The following BLVRA variants were observed in gnomAD, a reference collection of about 807,000 sequenced individuals.
BLVRA encodes the protein BVR A.
In BLVRA, 22 loss-of-function variants were observed where a neutral mutation model predicts 32.8. That is an observed-to-expected ratio of 0.67 (90% CI 0.48 to 0.96). The LOEUF is 0.96. Among genes scored for constraint, BLVRA ranks in the 40% least tolerant of loss-of-function variants. The pLI, the probability that BLVRA is intolerant of heterozygous loss-of-function variation, is 0.00. For missense variants in BLVRA, 323 were observed against 358.1 expected (o/e 0.90, Z 0.79); for synonymous variants, 119 against 141.3 (o/e 0.84, Z 1.12).
Position 43,787,872 on chromosome 7 carries a change from T to C in BLVRA, c.13-32T>C. The C allele has an allele frequency of 6.2e-7, 1 of 1,614,150 alleles. No homozygotes were observed. The highest frequency in any genetic ancestry group is 8.5e-7 in the Non-Finnish European group (1 of 1,180,020). On this transcript the variant is annotated intron_variant, in intron 2 of 7. Transcript: ENST00000265523. The surrounding 1 kb of genome is among the most constrained non-coding windows in gnomAD (Gnocchi z 4.5). ...TTTTCTGCTCGATGCCTACAGTGTT[T>C]TCAGACTCCACCTTGGTCCCTTGTG...
At chr7:43,773,204 T>G (rs1446605277) in intron 2 of BLVRA, among the ~76,000 whole-genome samples, 1 of 152,104 alleles carries the variant, frequency 6.6e-6, no homozygotes, top group Non-Finnish European at 1.5e-5. Context: ...TAGTTACATA[T>G]GTATACATGT....
At chr7:43,767,381 T>C (rs779757903) in intron 1 of BLVRA, 27 of 1,601,168 alleles carry the variant, frequency 1.7e-5, no homozygotes, top group Non-Finnish European at 2.3e-5. Context: ...AAGACGCTCC[T>C]GTTCTTCACA....
chr7:43,804,578 C>T (rs1370307978), intron 7 of BLVRA, among the ~76,000 whole-genome samples: 1 of 152,334 alleles, frequency 6.6e-6, no homozygotes, highest in South Asian at 2.1e-4. Context: ...ACTCCCTAGA[C>T]CCTGCCATTA....
chr7:43,781,575 G>A (rs1344195012), intron 2 of BLVRA, among the ~76,000 whole-genome samples: 2 of 152,146 alleles, frequency 1.3e-5, no homozygotes, highest in Non-Finnish European at 2.9e-5. Context: ...GACCTCAAGT[G>A]ACCCAAATGC....
intron 5 of BLVRA, among the ~76,000 whole-genome samples, chr7:43,798,197 C>CAAAAAAAAAAAAAA: frequency 2.2e-5 from 1 of 45,204 alleles, no homozygotes; most frequent in Non-Finnish European, 4.0e-5. Flanking sequence ...CCCCATCTCA[C>CAAAAAAAAAAAAAA]AAAAAAAAAA....
chr7:43,803,611 C>A, intron 6 of BLVRA, 65 bp from the exon 7 acceptor site: 1 of 1,481,300 alleles, frequency 6.8e-7, no homozygotes, highest in Non-Finnish European at 9.4e-7. Flanking sequence ...CCCCCACCCC[C>A]CTGTCCTGCT....
chr7:43,780,751 T>G (rs2095768087), intron 2 of BLVRA, among the ~76,000 whole-genome samples: 1 of 152,252 alleles, frequency 6.6e-6, no homozygotes, highest in Non-Finnish European at 1.5e-5. Context: ...ATCCCCATTC[T>G]CACCCTGCCA....
intron 1 of BLVRA, among the ~76,000 whole-genome samples, chr7:43,764,770 C>A (rs1468407893): frequency 1.4e-4 from 21 of 148,872 alleles, no homozygotes; most frequent in African/African-American, 5.2e-4. Context: ...GAACCCCCCA[C>A]CCCCCGCAAA....
In BLVRA at chr7:43,792,739, C is replaced by T. The variant is rs199932017; in HGVS notation, c.279C>T (p.His93=). ...YIRQFLNAGK[H]VLVEYPMTLS... is the part of the protein sequence containing the mutation. ...GGCAGTTCCTTAATGCTGGCAAGCA[C>T]GTCCTTGTGGAATACCCCATGACAC... The change falls in exon 5 of 8, where the codon CAC becomes CAT. Residue 93 remains histidine, a synonymous_variant. Coordinates refer to ENST00000265523, the MANE Select transcript of BLVRA (RefSeq NM_000712.4). 8.7e-5 allele frequency: 141 copies of T among 1,614,210 alleles called. 1 individual carries two copies. The East Asian group carries it at 2.5e-3, about 28-fold the overall frequency.
At chr7:43,795,606 A>G (rs181257216) in intron 5 of BLVRA, among the ~76,000 whole-genome samples, 17 of 152,378 alleles carry the variant, frequency 1.1e-4, no homozygotes, top group Admixed American at 6.5e-4. Context: ...TTAAACAAGA[A>G]GAAAGATCTC....
chr7:43,783,869 C>T (rs1285206667), intron 2 of BLVRA, among the ~76,000 whole-genome samples: 1 of 152,174 alleles, frequency 6.6e-6, no homozygotes, highest in African/African-American at 2.4e-5. Flanking sequence ...TGCCTGGACT[C>T]TCCTTCCACC....
At chr7:43,773,795 C>T (rs1457210607) in intron 2 of BLVRA, among the ~76,000 whole-genome samples, 1 of 152,190 alleles carries the variant, frequency 6.6e-6, no homozygotes, top group Non-Finnish European at 1.5e-5. Flanking sequence ...TCCTCTCCAG[C>T]ACCTGTTGTT....
At chr7:43,802,292 CTT>C (rs1563552398) in intron 6 of BLVRA, among the ~76,000 whole-genome samples, 2 of 152,106 alleles carry the variant, frequency 1.3e-5, no homozygotes, top group African/African-American at 2.4e-5. Flanking sequence ...TTATATATAA[CTT>C]ATTACTTTTT....
At chr7:43,783,782 G>A (rs907820753) in intron 2 of BLVRA, among the ~76,000 whole-genome samples, 1 of 151,996 alleles carries the variant, frequency 6.6e-6, no homozygotes, top group African/African-American at 2.4e-5. Flanking sequence ...GTTTCCCCAG[G>A]CCAACCAATG....
At chr7:43,777,735 T>A (rs944131138) in intron 2 of BLVRA, among the ~76,000 whole-genome samples, 1 of 152,148 alleles carries the variant, frequency 6.6e-6, no homozygotes, top group East Asian at 1.9e-4. Flanking sequence ...TCCTGCAGAG[T>A]GTTTTCTAAC....
chr7:43,769,703 G>A (rs564104773), intron 1 of BLVRA, among the ~76,000 whole-genome samples: 4 of 152,124 alleles, frequency 2.6e-5, no homozygotes, highest in Admixed American at 2.0e-4. Flanking sequence ...CTCCTCCCAG[G>A]TTCAAGCAAT....
intron 6 of BLVRA, among the ~76,000 whole-genome samples, chr7:43,803,182 C>G (rs1316387026): frequency 1.3e-5 from 2 of 152,172 alleles, no homozygotes; most frequent in Admixed American, 6.5e-5. Context: ...TACCTTATTG[C>G]CACTTACACA....
chr7:43,791,869 T>C (rs2095786477), intron 4 of BLVRA: 1 of 174,482 alleles, frequency 5.7e-6, no homozygotes, highest in African/African-American at 2.4e-5. Context: ...TTCCTCAGTC[T>C]AGCTTCCTTC....
At chr7:43,763,749 T>A (rs556476239) in intron 1 of BLVRA, among the ~76,000 whole-genome samples, 10 of 152,224 alleles carry the variant, frequency 6.6e-5, no homozygotes, top group Non-Finnish European at 1.3e-4. Flanking sequence ...AAATATTTGC[T>A]GATGCCTGAG....
Sources: allele counts gnomAD v4.1 joint callset (sites outside exome capture counted in the v4.1 genomes callset), GRCh38; gene constraint gnomAD v4.1.1; non-coding constraint Gnocchi (gnomAD v3.1); transcripts MANE v1.5; gene names NCBI Gene and HGNC (gene_info 2026-07-23, HGNC 2026-07-21).